Variants in GRM5 observed in about 807,000 individuals in gnomAD.
The protein encoded by GRM5 is metabotropic glutamate receptor 5.
A neutral mutation model predicts 83.1 loss-of-function variants in GRM5; 19 were observed. That is an observed-to-expected ratio of 0.23 (90% CI 0.16 to 0.34). GRM5 has a LOEUF of 0.34. Among genes scored for constraint, GRM5 ranks in the 10% least tolerant of loss-of-function variants. The pLI, the probability that GRM5 is intolerant of heterozygous loss-of-function variation, is 1.00. For missense variants in GRM5, 1,160 were observed against 1,588.3 expected (o/e 0.73, Z 4.58); for synonymous variants, 675 against 633.6 (o/e 1.07, Z -0.98).
intron 2 of GRM5, among the ~76,000 whole-genome samples, chr11:88,992,831 C>T (rs1378393450): frequency 1.5e-5 from 2 of 132,182 alleles, no homozygotes; most frequent in Non-Finnish European, 3.0e-5. Context: ...AACACTTGGA[C>T]ATAGCAAGGG....
chr11:88,586,302 AGTT>A lies in GRM5; in HGVS notation c.1690+4296_1690+4298del, dbSNP rs200893722. Among the ~76,000 whole-genome samples, 1,118 of 152,322 alleles carry A rather than the reference AGTT, an allele frequency of 7.3e-3. 11 individuals carry two copies. Among genetic ancestry groups the A allele is most frequent in the African/African-American group, 0.026 (1,080 of 41,560 alleles). ...TTAATGTCAGTTGATTGCTACTTTA[AGTT>A]GTTTTCTGAACAATTGTTTAATTCC... is the stretch of plus-strand genomic sequence containing the variant. On this transcript the variant is annotated intron_variant, in intron 7 of 9. Transcript: ENST00000305447.
At chr11:88,767,151 G>A (rs1332014499) in intron 3 of GRM5, among the ~76,000 whole-genome samples, 1 of 151,856 alleles carries the variant, frequency 6.6e-6, no homozygotes, top group East Asian at 1.9e-4. Context: ...TCCTGGCCGA[G>A]AATGGCTATT....
intron 3 of GRM5, among the ~76,000 whole-genome samples, chr11:88,828,434 T>A (rs1272372482): frequency 6.6e-6 from 1 of 152,208 alleles, no homozygotes; most frequent in African/African-American, 2.4e-5. Flanking sequence ...TATATATATT[T>A]TTCTTTAAAG....
intron 7 of GRM5, among the ~76,000 whole-genome samples, chr11:88,574,454 C>T (rs11020489): frequency 0.053 from 8,056 of 151,970 alleles, 682 homozygotes; most frequent in African/African-American, 0.18. Context: ...TGCCTAGGGA[C>T]GTGACATGTT....
chr11:88,702,023 T>A (rs1941047442), intron 3 of GRM5, among the ~76,000 whole-genome samples: 1 of 152,072 alleles, frequency 6.6e-6, no homozygotes, highest in Admixed American at 6.6e-5. Flanking sequence ...AAGGAAGGGA[T>A]AAAATGAGTC....
chr11:88,545,634 A>G (rs755878097), intron 8 of GRM5, among the ~76,000 whole-genome samples: 4 of 152,068 alleles, frequency 2.6e-5, no homozygotes, highest in Non-Finnish European at 5.9e-5. Flanking sequence ...CCCATCTTTA[A>G]GTATTCTCTT....
chr11:88,926,745 C>T (rs584818), intron 2 of GRM5, among the ~76,000 whole-genome samples: 142,616 of 152,188 alleles, frequency 0.94, 66,912 homozygotes, highest in South Asian at 0.97. Flanking sequence ...TCTTAAATGA[C>T]ATCAATCTAA....
At chr11:88,782,181 A>C (rs1354524214) in intron 3 of GRM5, among the ~76,000 whole-genome samples, 8 of 152,084 alleles carry the variant, frequency 5.3e-5, no homozygotes. Flanking sequence ...TAGAAGTAGC[A>C]GTGATAATAA....
intron 2 of GRM5, among the ~76,000 whole-genome samples, chr11:88,937,835 T>C (rs1301114835): frequency 1.3e-5 from 2 of 151,696 alleles, no homozygotes; most frequent in Non-Finnish European, 3.0e-5. Context: ...AGTGGATATG[T>C]GGGCAAACAG....
At chr11:88,796,516 A>G (rs1226272374) in intron 3 of GRM5, among the ~76,000 whole-genome samples, 2 of 152,180 alleles carry the variant, frequency 1.3e-5, no homozygotes, top group Non-Finnish European at 2.9e-5. Context: ...TCAGAACATA[A>G]TATTTGACTT....
chr11:88,763,375 A>C lies in GRM5; in HGVS notation c.911+86531T>G, dbSNP rs190131179. Reference sequence around the variant, plus strand: ...AGGTAAATATGTCCACAGTCATAAAAATTACTACCATTGTAACAATGGTTT... The same window carrying C: ...AGGTAAATATGTCCACAGTCATAAACATTACTACCATTGTAACAATGGTTT... On this transcript the variant is annotated intron_variant, in intron 3 of 9. Coordinates refer to ENST00000305447, the MANE Select transcript of GRM5 (RefSeq NM_001143831.3). Among the ~76,000 whole-genome samples, 258 of 151,928 alleles carry C rather than the reference A, an allele frequency of 1.7e-3. 2 individuals carry two copies. The highest frequency in any genetic ancestry group is 1.8e-3 in the Non-Finnish European group (120 of 67,824).
chr11:88,590,513 T>G, intron 7 of GRM5, 88 bp downstream of exon 7: 2 of 1,011,184 alleles, frequency 2.0e-6, no homozygotes, highest in Non-Finnish European at 3.1e-6. Context: ...CTACCCAAGA[T>G]GAGTAACGCT....
chr11:88,833,873 G>A (rs895167770), intron 3 of GRM5, among the ~76,000 whole-genome samples: 1 of 152,100 alleles, frequency 6.6e-6, no homozygotes, highest in Non-Finnish European at 1.5e-5. Flanking sequence ...GGCACAGAAA[G>A]ACAAATATTA....
At chr11:88,723,657 T>G (rs1011768012) in intron 3 of GRM5, among the ~76,000 whole-genome samples, 1 of 152,034 alleles carries the variant, frequency 6.6e-6, no homozygotes, top group South Asian at 2.1e-4. Context: ...AACTTTTCAC[T>G]GTGGAACATT....
chr11:88,563,675 C>A (rs1313999041), intron 8 of GRM5, among the ~76,000 whole-genome samples: 2 of 152,138 alleles, frequency 1.3e-5, no homozygotes, highest in Admixed American at 6.6e-5. Flanking sequence ...AAGAGATGGG[C>A]TCAATAGCAT....
intron 7 of GRM5, among the ~76,000 whole-genome samples, chr11:88,577,406 A>G (rs1943135053): frequency 6.6e-6 from 1 of 152,114 alleles, no homozygotes; most frequent in African/African-American, 2.4e-5. Flanking sequence ...CCCACCCATT[A>G]AAGAGATTGA....
At chr11:88,631,728 G>T (rs1417944555) in intron 4 of GRM5, among the ~76,000 whole-genome samples, 1 of 152,164 alleles carries the variant, frequency 6.6e-6, no homozygotes, top group Non-Finnish European at 1.5e-5. Context: ...GGGAGAGAAT[G>T]AATCACTGAG....
chr11:88,618,281 G>A (rs1392990681), intron 4 of GRM5, among the ~76,000 whole-genome samples: 2 of 152,178 alleles, frequency 1.3e-5, no homozygotes, highest in African/African-American at 2.4e-5. Flanking sequence ...GAAACGTCCA[G>A]AATATGGCAA....
chr11:88,987,751 C>T (rs997090468), intron 2 of GRM5, among the ~76,000 whole-genome samples: 4 of 151,910 alleles, frequency 2.6e-5, no homozygotes, highest in Admixed American at 6.6e-5. Context: ...CAGGGGCACA[C>T]TGACACCTCA....
Sources: allele counts gnomAD v4.1 joint callset (sites outside exome capture counted in the v4.1 genomes callset), GRCh38; gene constraint gnomAD v4.1.1; transcripts MANE v1.5; gene names NCBI Gene and HGNC (gene_info 2026-07-23, HGNC 2026-07-21).